The following TMEM182 variants were observed in gnomAD, a reference collection of about 807,000 sequenced individuals.
TMEM182 encodes the protein transmembrane protein 182.
TMEM182 carries 20 observed loss-of-function variants against 26.8 expected under a neutral mutation model. That is an observed-to-expected ratio of 0.75 (90% CI 0.53 to 1.09). TMEM182 has a LOEUF of 1.09. Among genes scored for constraint, TMEM182 ranks in the 50% least tolerant of loss-of-function variants. The probability of loss-of-function intolerance (pLI) is 0.00; values close to 1 mark genes in which losing one functional copy is unlikely to be tolerated. For missense variants in TMEM182, 277 were observed against 275.5 expected (o/e 1.01, Z -0.04); for synonymous variants, 109 against 102.2 (o/e 1.07, Z -0.40).
At chr2:102,799,032 A>G (rs963040845) in intron 4 of TMEM182, among the ~76,000 whole-genome samples, 26 of 152,346 alleles carry the variant, frequency 1.7e-4, no homozygotes, top group Middle Eastern at 3.4e-3. Context: ...TTAATTAGGC[A>G]GTGAAAGCCA....
Position 102,817,474 on chromosome 2 carries a change from T to C in TMEM182, c.*2506T>C, listed in dbSNP as rs1188619850. 3.0e-6 allele frequency: 3 copies of C among 985,276 alleles called. No homozygotes were observed. Among genetic ancestry groups the C allele is most frequent in the Non-Finnish European group, 2.4e-6 (2 of 829,914 alleles). The allele number at this position is 985,276 out of a possible 1,614,324, so 61.0% of individuals were successfully genotyped here. ...TGGTTTAATTCACTCAGGTGGATGA[T>C]TGCACATACATTGGAATTGGCTGGA... On this transcript the variant is annotated 3_prime_UTR_variant, in exon 5 of 5. Coordinates refer to ENST00000412401, the MANE Select transcript of TMEM182 (RefSeq NM_144632.5).
At chr2:102,759,963 A>G (rs1439641150), upstream of TMEM182, among the ~76,000 whole-genome samples, 1 of 152,204 alleles carries the variant, frequency 6.6e-6, no homozygotes, top group Non-Finnish European at 1.5e-5. Context: ...GATTGGGACC[A>G]CTTGTGTAAT....
intron 3 of TMEM182, among the ~76,000 whole-genome samples, chr2:102,775,902 T>A (rs1463340377): frequency 6.6e-6 from 1 of 152,186 alleles, no homozygotes; most frequent in Non-Finnish European, 1.5e-5. Flanking sequence ...ACAAATACTA[T>A]GTGTTTTGTT....
chr2:102,812,483 A>G (rs1682591695), intron 4 of TMEM182, among the ~76,000 whole-genome samples: 1 of 152,060 alleles, frequency 6.6e-6, no homozygotes, highest in Non-Finnish European at 1.5e-5. Context: ...TTAAATGGAC[A>G]GTATCTTCAA....
intron 3 of TMEM182, among the ~76,000 whole-genome samples, chr2:102,791,918 C>A (rs906597170): frequency 6.6e-6 from 1 of 151,916 alleles, no homozygotes; most frequent in Non-Finnish European, 1.5e-5. Context: ...GAGATACAGT[C>A]AAGATCTAAG....
Position 102,817,347 on chromosome 2 carries a change from T to A in TMEM182, c.*2379T>A. Reference sequence around the variant, plus strand: ...ATAAAGTTTCAATTTATCAAGGATATCTTTTCAGTTACACTTTTAGAAAGA... The same window carrying A: ...ATAAAGTTTCAATTTATCAAGGATAACTTTTCAGTTACACTTTTAGAAAGA... On this transcript the variant is annotated 3_prime_UTR_variant, in exon 5 of 5. Coordinates refer to ENST00000412401, the MANE Select transcript of TMEM182 (RefSeq NM_144632.5). 1.0e-6 allele frequency: 1 copy of A among 985,454 alleles called. No individual in the cohort carries two copies. The highest frequency in any genetic ancestry group is 1.2e-6 in the Non-Finnish European group (1 of 829,922). The allele number at this position is 985,454 out of a possible 1,614,324, so 61.0% of individuals were successfully genotyped here.
chr2:102,797,054 A>T (rs1681900572), intron 3 of TMEM182, among the ~76,000 whole-genome samples: 1 of 152,216 alleles, frequency 6.6e-6, no homozygotes, highest in South Asian at 2.1e-4. Context: ...CTCAAAAATG[A>T]TCGTTAGAAT....
At position 102,797,737 on chromosome 2, in the gene TMEM182, C is replaced by A. The variant is rs1360170361; in HGVS notation, c.332-126C>A. ...TTTGTTCAGACCCATCCCTGGCATTCTATCTAGCAGTGCCATAGCTGAAAT... is the reference window on the plus strand; with the variant it reads ...TTTGTTCAGACCCATCCCTGGCATTATATCTAGCAGTGCCATAGCTGAAAT... On this transcript the variant is annotated intron_variant, in intron 3 of 4. Transcript: ENST00000412401. 4.3e-6 allele frequency: 5 copies of A among 1,154,568 alleles called. No individual in the cohort carries two copies. The East Asian group carries it at 1.3e-4, about 29-fold the overall frequency. The allele number at this position is 1,154,568 out of a possible 1,614,324, so 71.5% of individuals were successfully genotyped here. A position where few individuals can be genotyped will look rare whatever the true frequency, so the allele number is the denominator to read the frequency against.
intron 3 of TMEM182, among the ~76,000 whole-genome samples, chr2:102,834,935 G>A (rs918676137): frequency 2.0e-5 from 3 of 152,160 alleles, no homozygotes; most frequent in African/African-American, 4.8e-5. Context: ...CACCTGAGGT[G>A]TTATTTATGC....
chr2:102,784,295 A>G (rs186606625), intron 3 of TMEM182, among the ~76,000 whole-genome samples: 265 of 152,326 alleles, frequency 1.7e-3, no homozygotes, highest in African/African-American at 5.9e-3. Flanking sequence ...CCACTTAAGA[A>G]AAAAGCATCA....
At chr2:102,818,375 C>A (rs554928998), downstream of TMEM182, among the ~76,000 whole-genome samples, 4 of 152,156 alleles carry the variant, frequency 2.6e-5, no homozygotes, top group South Asian at 6.2e-4. Context: ...TTATAATAAG[C>A]ATAAAGTTAG....
At chr2:102,755,750 G>A (rs536264942) in intron 1 of TMEM182, among the ~76,000 whole-genome samples, 38 of 152,238 alleles carry the variant, frequency 2.5e-4, no homozygotes, top group African/African-American at 8.7e-4. Context: ...CAGTAACGTC[G>A]TTAAGAATAA....
intron 3 of TMEM182, among the ~76,000 whole-genome samples, chr2:102,774,595 A>G (rs1170773929): frequency 1.3e-5 from 2 of 152,018 alleles, no homozygotes; most frequent in Non-Finnish European, 2.9e-5. Flanking sequence ...TAAAAGTTTT[A>G]TGAATTACGC....
At chr2:102,760,963 T>C (rs1000194982), upstream of TMEM182, among the ~76,000 whole-genome samples, 2 of 152,132 alleles carry the variant, frequency 1.3e-5, no homozygotes, top group African/African-American at 2.4e-5. Flanking sequence ...TTCATCTTTA[T>C]TGAGAATCTT....
chr2:102,766,338 GTGTGTCACTTT>G (rs1385404556), intron 3 of TMEM182, among the ~76,000 whole-genome samples: 3 of 152,122 alleles, frequency 2.0e-5, no homozygotes, highest in Admixed American at 2.0e-4. Context: ...CATTTAATTA[GTGTGTCACTTT>G]TTTGATCTAG....
At chr2:102,841,968 GTATC>G (rs1313250295) in intron 3 of TMEM182, among the ~76,000 whole-genome samples, 1 of 152,312 alleles carries the variant, frequency 6.6e-6, no homozygotes, top group East Asian at 1.9e-4. Context: ...ATTCAGGAAA[GTATC>G]TAGCATGGTT....
At chr2:102,785,197 C>T (rs568485562) in intron 3 of TMEM182, among the ~76,000 whole-genome samples, 2 of 152,282 alleles carry the variant, frequency 1.3e-5, no homozygotes, top group East Asian at 1.9e-4. Context: ...CTGTTCTGCA[C>T]CTGCAAGCTG....
intron 3 of TMEM182, among the ~76,000 whole-genome samples, chr2:102,767,064 G>T (rs562600132): frequency 6.6e-6 from 1 of 152,084 alleles, no homozygotes; most frequent in Non-Finnish European, 1.5e-5. Flanking sequence ...TTGTTTCATC[G>T]ATAATCTACT....
intron 1 of TMEM182, among the ~76,000 whole-genome samples, chr2:102,754,646 G>C (rs1679980103): frequency 6.6e-6 from 1 of 152,180 alleles, no homozygotes; most frequent in Non-Finnish European, 1.5e-5. Context: ...GCAATGGCAT[G>C]CTTGTGTTTT....
Sources: gnomAD v4.1 joint callset for allele counts (sites outside exome capture counted in the v4.1 genomes callset) on GRCh38, gnomAD v4.1.1 for gene constraint, MANE v1.5 for transcripts, NCBI Gene and HGNC (gene_info 2026-07-23, HGNC 2026-07-21) for gene names.